The following KIF13B variants were observed in gnomAD, a reference collection of about 807,000 sequenced individuals.
KIF13B encodes kinesin-like protein KIF13B.
Under a neutral mutation model 222.0 loss-of-function variants are expected in KIF13B, and 127 were observed. That is an observed-to-expected ratio of 0.57 (90% CI 0.50 to 0.66). KIF13B has a LOEUF of 0.66. KIF13B is among the 30% of genes least tolerant of loss of function. The probability of loss-of-function intolerance (pLI) is 0.00; values close to 1 mark genes in which losing one functional copy is unlikely to be tolerated. For synonymous variants in KIF13B, 976 were observed against 919.0 expected (o/e 1.06, Z -1.12); for missense variants, 2,173 against 2,379.0 (o/e 0.91, Z 1.80).
chr8:29,106,402 C>T (rs902532390), intron 35 of KIF13B, among the ~76,000 whole-genome samples: 9 of 152,218 alleles, frequency 5.9e-5, no homozygotes, highest in Admixed American at 4.6e-4. Flanking sequence ...GAGGCCAAGG[C>T]GGACAGATCA....
intron 37 of KIF13B, among the ~76,000 whole-genome samples, chr8:29,084,073 C>A (rs1447313291): frequency 1.3e-5 from 2 of 152,124 alleles, no homozygotes; most frequent in Non-Finnish European, 2.9e-5. Context: ...CACCACCACG[C>A]CCAGCTAATT....
In KIF13B at chr8:29,222,515, C is replaced by CTTTTTTTTT. The variant is rs58488862; in HGVS notation, c.149+22822_149+22830dup. Among the ~76,000 whole-genome samples, 21 of 60,578 alleles carry CTTTTTTTTT rather than the reference C, an allele frequency of 3.5e-4. 3 individuals carry two copies. Among genetic ancestry groups the CTTTTTTTTT allele is most frequent in the African/African-American group, 9.0e-4 (12 of 13,322 alleles). 39.7% of individuals were successfully genotyped at this position (60,578 alleles called of 152,430 possible). A position where few individuals can be genotyped will look rare whatever the true frequency, so the allele number is the denominator to read the frequency against. Reference sequence around the variant, plus strand: ...TCCTGAGCTCAAGTCCCACACCTGACTTTTTTTTTTTTTTTTTTTTTTTTT... The same window carrying CTTTTTTTTT: ...TCCTGAGCTCAAGTCCCACACCTGACTTTTTTTTTTTTTTTTTTTTTTTTTTTTTTTTTT... On this transcript the variant is annotated intron_variant, in intron 2 of 39. Coordinates refer to ENST00000524189, the MANE Select transcript of KIF13B (RefSeq NM_015254.4).
rs751662223 is a variant in KIF13B, at chr8:29,191,068, T to C, written c.163-11A>G. 6 of 1,596,342 alleles carry C rather than the reference T, an allele frequency of 3.8e-6. No individual in the cohort carries two copies. Among genetic ancestry groups the C allele is most frequent in the Non-Finnish European group, 5.1e-6 (6 of 1,168,938 alleles). On this transcript the variant is annotated splice_polypyrimidine_tract_variant and intron_variant, in intron 3 of 39. Coordinates refer to ENST00000524189, the MANE Select transcript of KIF13B (RefSeq NM_015254.4). Reference sequence around the variant, plus strand: ...ATCATAAGCAAACACCTGTTGAAAATGAACATAAGTGTGTGTTAAGAAAAC... The same window carrying C: ...ATCATAAGCAAACACCTGTTGAAAACGAACATAAGTGTGTGTTAAGAAAAC...
chr8:29,148,429 T>G, intron 16 of KIF13B, 148 bp downstream of exon 16: 2 of 441,926 alleles, frequency 4.5e-6, no homozygotes, highest in Non-Finnish European at 7.8e-6. Flanking sequence ...GAGAACGTCT[T>G]GCTATGTTGC....
rs1812937056 is a variant in KIF13B at position 29,186,542 on chromosome 8, C to T, written c.317-70G>A. 6.8e-6 allele frequency: 9 copies of T among 1,315,280 alleles called. No individual in the cohort carries two copies. In the South Asian group the frequency reaches 1.1e-4, roughly 17 times the overall value. 81.5% of individuals were successfully genotyped at this position (1,315,280 alleles called of 1,614,324 possible). ...TAAATACATAACCCTCTTTCCGTTG[C>T]TCATAATAAACACTTGGCAAAACGC... is the stretch of plus-strand genomic sequence containing the variant. On this transcript the variant is annotated intron_variant, in intron 5 of 39. Transcript: ENST00000524189.
At chr8:29,157,854 G>C (rs946989487) in intron 13 of KIF13B, among the ~76,000 whole-genome samples, 1 of 143,470 alleles carries the variant, frequency 7.0e-6, no homozygotes, top group African/African-American at 2.6e-5. Context: ...AAAAAAGTAA[G>C]AATAAAACCT....
intron 37 of KIF13B, among the ~76,000 whole-genome samples, chr8:29,080,096 C>T (rs1341478728): frequency 6.6e-6 from 1 of 152,112 alleles, no homozygotes; most frequent in Non-Finnish European, 1.5e-5. Flanking sequence ...AATCCCACCA[C>T]TTTGGGAGGC....
chr8:29,182,135 T>C, intron 6 of KIF13B, 129 bp from the exon 7 acceptor site: 1 of 592,150 alleles, frequency 1.7e-6, no homozygotes, highest in South Asian at 2.6e-5. Flanking sequence ...ACTGACTTGA[T>C]CCCAGAAGAA....
intron 35 of KIF13B, among the ~76,000 whole-genome samples, chr8:29,107,593 G>A (rs1013240916): frequency 1.6e-4 from 23 of 143,286 alleles, no homozygotes; most frequent in African/African-American, 5.0e-4. Flanking sequence ...ACAGAGTCTC[G>A]CTGTTGCCCA....
At chr8:29,169,409 G>A (rs1225134731) in intron 10 of KIF13B, among the ~76,000 whole-genome samples, 1 of 152,116 alleles carries the variant, frequency 6.6e-6, no homozygotes, top group Non-Finnish European at 1.5e-5. Context: ...ATACACATTT[G>A]GTAACACAGA....
intron 33 of KIF13B, 42 bp from the exon 34 acceptor site, chr8:29,109,553 G>C: frequency 6.6e-7 from 1 of 1,520,052 alleles, no homozygotes; most frequent in South Asian, 1.1e-5. Context: ...ACATGTAAGA[G>C]ACACACTGCA....
chr8:29,165,692 C>A lies in KIF13B; in HGVS notation c.1239G>T (p.Glu413Asp). The change falls in exon 12 of 40, where the codon GAG becomes GAT. Residue 413 changes from glutamate (E) to aspartate (D), a missense_variant. Transcript: ENST00000524189. ...LIQEMTVTWE[E>D]KLRKTEEIAQ... ...CAATCTCCTCCGTTTTCCTTAATTT[C>A]TCCTCCCAGGTCACAGTCATTTCCT... 2.5e-6 allele frequency: 4 copies of A among 1,613,378 alleles called. No individual in the cohort carries two copies. The highest frequency in any genetic ancestry group is 3.4e-6 in the Non-Finnish European group (4 of 1,179,324).
In KIF13B at chr8:29,134,170, G is replaced by C; in HGVS notation, c.2654C>G (p.Ser885Cys). Residue 885 changes from serine (S) to cysteine (C), a missense_variant, in exon 22 of 40, where the codon TCC becomes TGC. Ser to Cys is a moderately radical substitution (Grantham distance 112). This residue lies in a region of KIF13B where 1,480 missense variants were observed against 1,722.8 expected (regional missense o/e 0.86). Transcript: ENST00000524189. ...GCTGTATTTGCAGAACACAAAGTGG[G>C]ACAGATGCTGTGGCAACCCAGTAGC... ...LQATGLPQHL[S>C]HFVFCKYSFW... 6.2e-7 allele frequency: 1 copy of C among 1,614,008 alleles called. No individual in the cohort carries two copies. Among genetic ancestry groups the C allele is most frequent in the Non-Finnish European group, 8.5e-7 (1 of 1,179,880 alleles).
intron 26 of KIF13B, among the ~76,000 whole-genome samples, chr8:29,125,164 C>T (rs1451058084): frequency 6.6e-6 from 1 of 152,132 alleles, no homozygotes; most frequent in Non-Finnish European, 1.5e-5. Flanking sequence ...TTGAAGACAA[C>T]ATGTAAATGC....
rs1816567451 is a variant in KIF13B at position 29,258,503 on chromosome 8, G to T, written c.55+4477C>A. Among the ~76,000 whole-genome samples, 3 of 152,260 alleles carry T rather than the reference G, an allele frequency of 2.0e-5. No homozygotes were observed. The South Asian group carries it at 6.2e-4, about 32-fold the overall frequency. On this transcript the variant is annotated intron_variant, in intron 1 of 39. Transcript: ENST00000524189. Reference sequence around the variant, plus strand: ...ACCCTAGGTCCGGACTTCTGGCCTGGCTGCTTTCAGGGCTTCCTGCAATCC... The same window carrying T: ...ACCCTAGGTCCGGACTTCTGGCCTGTCTGCTTTCAGGGCTTCCTGCAATCC...
At chr8:29,090,909 G>A (rs943791474) in intron 37 of KIF13B, among the ~76,000 whole-genome samples, 2 of 152,144 alleles carry the variant, frequency 1.3e-5, no homozygotes, top group Non-Finnish European at 2.9e-5. Context: ...GTAAAGACAG[G>A]GTTTCGCCAT....
At chr8:29,114,201 A>T (rs1809490455) in intron 31 of KIF13B, among the ~76,000 whole-genome samples, 1 of 152,214 alleles carries the variant, frequency 6.6e-6, no homozygotes, top group African/African-American at 2.4e-5. Flanking sequence ...AACAAAGGTA[A>T]AGGGGAGAGC....
chr8:29,155,491 G>A (rs767073037), intron 14 of KIF13B, among the ~76,000 whole-genome samples: 9 of 152,184 alleles, frequency 5.9e-5, no homozygotes, highest in Non-Finnish European at 1.3e-4. Flanking sequence ...TCGTGGTGTT[G>A]GCAGGGGCTC....
intron 2 of KIF13B, among the ~76,000 whole-genome samples, chr8:29,241,421 T>C (rs1287727485): frequency 6.6e-6 from 1 of 152,204 alleles, no homozygotes; most frequent in African/African-American, 2.4e-5. Flanking sequence ...TTTTAAAAAA[T>C]AAACCAGGGA....
Sources: gnomAD v4.1 joint callset for allele counts (sites outside exome capture counted in the v4.1 genomes callset) on GRCh38, gnomAD v4.1.1 for gene constraint, gnomAD v4.1.1 regional missense constraint, MANE v1.5 for transcripts, NCBI Gene and HGNC (gene_info 2026-07-23, HGNC 2026-07-21) for gene names.